ANXA5: variants seen among roughly 807,000 people sequenced by gnomAD.
ANXA5 encodes CBP-I.
Under a neutral mutation model 48.1 loss-of-function variants are expected in ANXA5, and 40 were observed. That is an observed-to-expected ratio of 0.83 (90% confidence interval 0.65 to 1.08). The LOEUF (loss-of-function observed/expected upper bound fraction) is 1.08, where lower values mean the gene tolerates loss of function less well. ANXA5 is among the 50% of genes least tolerant of loss of function. The pLI is 0.00. For synonymous variants in ANXA5, 113 were observed against 129.1 expected, an observed-to-expected ratio of 0.88 and a Z score of 0.85; for missense variants, 357 against 376.8, an observed-to-expected ratio of 0.95 and a Z score of 0.44.
intron 8 of ANXA5, among the ~76,000 whole-genome samples, chr4:121,676,650 T>C (rs1578441733): frequency 8.1e-6 from 1 of 122,796 alleles, no homozygotes; most frequent in African/African-American, 3.1e-5. Flanking sequence ...CCAGAGAACG[T>C]GGCAAGAACT....
In ANXA5 at chr4:121,669,947, C is replaced by T; in HGVS notation, c.780+7G>A. 1 of 1,587,716 alleles carries T rather than the reference C, an allele frequency of 6.3e-7. No individual in the cohort carries two copies. The highest frequency in any genetic ancestry group is 8.6e-7 in the Non-Finnish European group (1 of 1,165,034). On this transcript the variant is annotated splice_region_variant and intron_variant, in intron 11 of 12. Transcript: ENST00000296511. The stretch of plus-strand genomic sequence containing the variant: ...TATTAGATAGAAGGTTCATGGTCTC[C>T]ACTTACCTTCATAGCATAATAGAGG...
intron 8 of ANXA5, among the ~76,000 whole-genome samples, chr4:121,675,972 G>A (rs1463022800): frequency 6.6e-6 from 1 of 152,192 alleles, no homozygotes; most frequent in Admixed American, 6.5e-5. Context: ...CACCAACTAT[G>A]CTGGGAAATC....
At chr4:121,691,625 G>A (rs540173897) in intron 2 of ANXA5, among the ~76,000 whole-genome samples, 6 of 151,908 alleles carry the variant, frequency 3.9e-5, no homozygotes, top group African/African-American at 1.2e-4. Context: ...CTGCTAAGCC[G>A]CTATGCAGTG....
intron 12 of ANXA5, 33 bp from the exon 13 acceptor site, chr4:121,668,560 A>G: frequency 6.3e-7 from 1 of 1,591,584 alleles, no homozygotes; most frequent in Non-Finnish European, 8.6e-7. Flanking sequence ...AACCTCCATG[A>G]CTCACAGAAG....
intron 2 of ANXA5, among the ~76,000 whole-genome samples, chr4:121,692,765 G>A (rs6534310): frequency 0.88 from 134,341 of 152,222 alleles, 60,984 homozygotes; most frequent in East Asian, 0.99. Context: ...TTCCAAAACT[G>A]TGTTATGAGG....
chr4:121,671,384 T>A (rs1724610405), intron 10 of ANXA5, among the ~76,000 whole-genome samples, 163 bp downstream of exon 10: 1 of 152,216 alleles, frequency 6.6e-6, no homozygotes, highest in South Asian at 2.1e-4. Flanking sequence ...ATTTCCAACA[T>A]CAAAATAAAT....
chr4:121,672,467 C>A, intron 9 of ANXA5, 66 bp downstream of exon 9: 1 of 1,108,152 alleles, frequency 9.0e-7, no homozygotes, highest in South Asian at 1.3e-5. Flanking sequence ...GGTATTCTGT[C>A]ACACTGGCTC....
Position 121,668,365 on chromosome 4 carries a change from A to G in ANXA5, c.*103T>C, listed in dbSNP as rs1331233574. 4 of 977,702 alleles carry G rather than the reference A, an allele frequency of 4.1e-6. No homozygotes were observed. The highest frequency in any genetic ancestry group is 3.2e-5 in the African/African-American group (2 of 62,308). 60.6% of individuals were successfully genotyped at this position (977,702 alleles called of 1,614,324 possible). A position where few individuals can be genotyped will look rare whatever the true frequency, so the allele number is the denominator to read the frequency against. ...TGGTCATGAGCATGCTAGTATGAATAAGGCAATGTGTTAAGCACTGGCATA... is the reference window on the plus strand; with the variant it reads ...TGGTCATGAGCATGCTAGTATGAATGAGGCAATGTGTTAAGCACTGGCATA... On this transcript the variant is annotated 3_prime_UTR_variant, in exon 13 of 13. Transcript: ENST00000296511.
intron 11 of ANXA5, 91 bp from the exon 12 acceptor site, chr4:121,669,815 T>C: frequency 1.3e-6 from 2 of 1,504,002 alleles, no homozygotes; most frequent in Non-Finnish European, 1.8e-6. Context: ...ATCAATAAGG[T>C]ATAACAATTT....
At position 121,692,289 on chromosome 4, in the gene ANXA5, T is replaced by C. The variant is rs545505825; in HGVS notation, c.9+4292A>G. Reference sequence around the variant, plus strand: ...TGAAGATTTGTAAAATGATTTAAATTTTTGTTGTGTATTTCTTTAATGCTC... The same window carrying C: ...TGAAGATTTGTAAAATGATTTAAATCTTTGTTGTGTATTTCTTTAATGCTC... On this transcript the variant is annotated intron_variant, in intron 2 of 12. Transcript: ENST00000296511. 7.2e-5 allele frequency among the ~76,000 whole-genome samples: 11 copies of C among 152,326 alleles called. No homozygotes were observed. In the South Asian group the frequency reaches 2.3e-3, roughly 32 times the overall value.
rs373965710 is a variant in ANXA5 at position 121,670,001 on chromosome 4, G to A, written c.733C>T (p.Arg245Ter). 31 of 1,600,618 alleles carry A rather than the reference G, an allele frequency of 1.9e-5. No individual in the cohort carries two copies. The African/African-American group carries it at 3.1e-4, about 16-fold the overall frequency. Residue 245 changes from arginine (R) to a stop codon, truncating the protein, a stop_gained, in exon 11 of 13, where the codon CGA becomes TGA. Transcript: ENST00000296511. LOFTEE classifies it high-confidence loss of function. ...QLLLAVVKSIRSIPAYLAETL... is the reference protein window; with the variant it reads ...QLLLAVVKSI ...TCTGCAAGGTAGGCAGGTATACTTC[G>A]AATAGATTTCACTAAGAAAATAAAC...
intron 2 of ANXA5, among the ~76,000 whole-genome samples, chr4:121,695,998 C>G (rs1025763717): frequency 6.6e-6 from 1 of 151,452 alleles, no homozygotes; most frequent in African/African-American, 2.4e-5. Flanking sequence ...GAACTCGTTC[C>G]ACGAGTTCAT....
intron 8 of ANXA5, among the ~76,000 whole-genome samples, chr4:121,676,355 T>C (rs1412391893): frequency 2.0e-5 from 3 of 152,334 alleles, no homozygotes; most frequent in South Asian, 2.1e-4. Flanking sequence ...AATATTCTTA[T>C]AGTGAAATAT....
chr4:121,682,471 A>G (rs772953062), intron 5 of ANXA5, among the ~76,000 whole-genome samples: 7 of 152,020 alleles, frequency 4.6e-5, no homozygotes, highest in Non-Finnish European at 7.4e-5. Context: ...TTATATTTCT[A>G]TTTTTTGCCA....
intron 8 of ANXA5, among the ~76,000 whole-genome samples, chr4:121,675,635 G>A (rs1370654276): frequency 6.6e-6 from 1 of 152,150 alleles, no homozygotes; most frequent in Non-Finnish European, 1.5e-5. Context: ...GTTTTCACAT[G>A]TACAGTCTCA....
chr4:121,671,141 T>C (rs923397532), intron 10 of ANXA5, among the ~76,000 whole-genome samples: 3 of 152,214 alleles, frequency 2.0e-5, no homozygotes, highest in Non-Finnish European at 2.9e-5. Flanking sequence ...ATATTCTTCT[T>C]TTCTAAACCA....
At position 121,681,678 on chromosome 4, in the gene ANXA5, A is replaced by G. The variant is rs375160476; in HGVS notation, c.387T>C (p.Tyr129=). ...PEELRAIKQV[Y]EEEYGSSLED... Reference sequence around the variant, plus strand: ...TAACTCACAAACATTTACCTTCTTCATAAACTTGTTTGATGGCTCTCAGTT... The same window carrying G: ...TAACTCACAAACATTTACCTTCTTCGTAAACTTGTTTGATGGCTCTCAGTT... The change falls in exon 6 of 13, where the codon TAT becomes TAC. Residue 129 remains tyrosine (Y), a synonymous_variant. Coordinates refer to ENST00000296511, the MANE Select transcript of ANXA5 (RefSeq NM_001154.4). 6.8e-6 allele frequency: 11 copies of G among 1,608,978 alleles called. No homozygotes were observed. Among genetic ancestry groups the G allele is most frequent in the Non-Finnish European group, 9.4e-6 (11 of 1,176,340 alleles).
At chr4:121,672,439 A>G (rs1306673123) in intron 9 of ANXA5, 94 bp downstream of exon 9, 3 of 796,748 alleles carry the variant, frequency 3.8e-6, no homozygotes, top group African/African-American at 3.4e-5. Context: ...TCATTCTCTA[A>G]GTCCCTGCTA....
intron 5 of ANXA5, among the ~76,000 whole-genome samples, chr4:121,682,470 T>C (rs1035991474): frequency 1.3e-5 from 2 of 152,174 alleles, no homozygotes; most frequent in South Asian, 2.1e-4. Flanking sequence ...TTTATATTTC[T>C]ATTTTTTGCC....
Sources: allele counts gnomAD v4.1 joint callset (sites outside exome capture counted in the v4.1 genomes callset), GRCh38; gene constraint gnomAD v4.1.1; transcripts MANE v1.5; gene names NCBI Gene and HGNC (gene_info 2026-07-23, HGNC 2026-07-21).